RLF: variants seen among roughly 807,000 people sequenced by gnomAD.
RLF encodes the protein RLF zinc finger.
A neutral mutation model predicts 162.9 loss-of-function variants in RLF; 7 were observed. That is an observed-to-expected ratio of 0.04 (90% CI 0.02 to 0.08). The LOEUF (loss-of-function observed/expected upper bound fraction) is 0.08, where lower values mean the gene tolerates loss of function less well. Among genes scored for constraint, RLF ranks in the 10% least tolerant of loss-of-function variants. RLF has a pLI of 1.00. For synonymous variants in RLF, 782 were observed against 791.5 expected, an observed-to-expected ratio of 0.99 and a Z score of 0.20; for missense variants, 1,664 against 2,244.7, an observed-to-expected ratio of 0.74 and a Z score of 5.23.
chr1:40,201,296 T>C (rs543139845), intron 4 of RLF, among the ~76,000 whole-genome samples: 2 of 151,952 alleles, frequency 1.3e-5, no homozygotes, highest in South Asian at 4.2e-4. Context: ...TACTATGTAG[T>C]GATGTCACAT....
intron 3 of RLF, among the ~76,000 whole-genome samples, chr1:40,193,170 GT>G (rs1642583757): frequency 2.0e-5 from 3 of 149,078 alleles, no homozygotes; most frequent in Non-Finnish European, 3.0e-5. Flanking sequence ...TATTATTTCT[GT>G]ATTGTAGATT....
intron 5 of RLF, among the ~76,000 whole-genome samples, chr1:40,206,268 G>A (rs1642794272): frequency 6.6e-6 from 1 of 152,102 alleles, no homozygotes; most frequent in South Asian, 2.1e-4. Context: ...ATAGCTCTGA[G>A]GTAGCTCCAT....
intron 3 of RLF, among the ~76,000 whole-genome samples, chr1:40,194,999 A>G (rs1229219245): frequency 4.1e-5 from 2 of 48,410 alleles, no homozygotes; most frequent in Non-Finnish European, 1.7e-4. Flanking sequence ...ACGCCCGGCT[A>G]ATTTTTTGTA....
intron 5 of RLF, among the ~76,000 whole-genome samples, chr1:40,205,771 G>A (rs541397360): frequency 2.6e-5 from 4 of 152,240 alleles, no homozygotes; most frequent in South Asian, 2.1e-4. Context: ...GATTACAGGC[G>A]TGAGCCACGG....
rs192800908 is a variant in RLF at position 40,216,815 on chromosome 1, G to A, written c.811-5759G>A. On this transcript the variant is annotated intron_variant, in intron 5 of 7. Coordinates refer to ENST00000372771, the MANE Select transcript of RLF (RefSeq NM_012421.4). ...CACGCCTGTACCAGCACTTTGGGAG[G>A]CAGAGGCGGGCAGATCACTTGAGGT... 1.4e-3 allele frequency among the ~76,000 whole-genome samples: 218 copies of A among 152,278 alleles called. 1 individual carries two copies. The highest frequency in any genetic ancestry group is 5.0e-3 in the African/African-American group (207 of 41,538).
chr1:40,195,541 T>G, intron 3 of RLF, 91 bp from the exon 4 acceptor site: 1 of 1,021,550 alleles, frequency 9.8e-7, no homozygotes, highest in Non-Finnish European at 1.4e-6. Flanking sequence ...AATAGGTTCT[T>G]TCAATTCCTA....
Position 40,239,825 on chromosome 1 carries a change from A to G in RLF, c.5123A>G (p.Glu1708Gly). The change falls in exon 8 of 8, where the codon GAA (glutamate) becomes GGA (glycine). Residue 1708 changes from glutamate (E) to glycine (G), a missense_variant. This residue lies in a region of RLF where 327 missense variants were observed against 342.7 expected (regional missense o/e 0.95). Transcript: ENST00000372771. ...TCCATACCTAATCCCAATGGGACTG[A>G]AAGTGGGACTTATTTCACAAGTTTC... ...ENSIPNPNGTESGTYFTSFQL... is the reference protein window; with the variant it reads ...ENSIPNPNGTGSGTYFTSFQL... 6.2e-7 allele frequency: 1 copy of G among 1,614,122 alleles called. No individual in the cohort carries two copies. The highest frequency in any genetic ancestry group is 8.5e-7 in the Non-Finnish European group (1 of 1,180,028).
At chr1:40,205,913 A>G (rs1247381234) in intron 5 of RLF, among the ~76,000 whole-genome samples, 1 of 151,960 alleles carries the variant, frequency 6.6e-6, no homozygotes, top group Non-Finnish European at 1.5e-5. Flanking sequence ...TCTCAGTTCT[A>G]CTTTGCTGTC....
At chr1:40,223,440 G>A (rs1477126978) in intron 6 of RLF, among the ~76,000 whole-genome samples, 3 of 152,142 alleles carry the variant, frequency 2.0e-5, no homozygotes, top group East Asian at 3.9e-4. Context: ...GTGTCAGGGA[G>A]GAAGTAATAT....
intron 1 of RLF, among the ~76,000 whole-genome samples, chr1:40,183,967 A>G (rs1642439473): frequency 1.3e-5 from 2 of 152,216 alleles, no homozygotes; most frequent in South Asian, 4.1e-4. Context: ...GTATTCTTTA[A>G]ACATTAAATG....
chr1:40,239,816 ATGGGACTGAAAG>A lies in RLF; in HGVS notation c.5122_5133del (p.Glu1708_Thr1711del). On this transcript the variant is annotated inframe_deletion, in exon 8 of 8. Transcript: ENST00000372771. ...ATAGAAAATTCCATACCTAATCCCA[ATGGGACTGAAAG>A]TGGGACTTATTTCACAAGTTTCCAG... 6.2e-7 allele frequency: 1 copy of A among 1,614,062 alleles called. No homozygotes were observed. The highest frequency in any genetic ancestry group is 8.5e-7 in the Non-Finnish European group (1 of 1,180,008).
At chr1:40,194,810 AT>A (rs1642607677) in intron 3 of RLF, among the ~76,000 whole-genome samples, 1 of 9,970 alleles carries the variant, frequency 1.0e-4, no homozygotes, top group Non-Finnish European at 3.6e-4. Flanking sequence ...CATCCTAGTT[AT>A]TTATTTATTT....
intron 6 of RLF, among the ~76,000 whole-genome samples, chr1:40,223,908 T>G (rs570574841): frequency 1.3e-5 from 2 of 152,262 alleles, no homozygotes; most frequent in Non-Finnish European, 2.9e-5. Flanking sequence ...AAAATTCAAA[T>G]TGTAGTTTTT....
In RLF at chr1:40,197,327, G is replaced by A. The variant is rs571299398; in HGVS notation, c.607+1563G>A. The stretch of plus-strand genomic sequence containing the variant: ...CAATAAACGGCATCCCCTTGTAAAT[G>A]TAGGTAGATGGAGGCTAAAGTATCA... On this transcript the variant is annotated intron_variant, in intron 4 of 7. Transcript: ENST00000372771. 3.3e-4 allele frequency among the ~76,000 whole-genome samples: 51 copies of A among 152,324 alleles called. 2 individuals are homozygous for A. Among genetic ancestry groups the A allele is most frequent in the African/African-American group, 1.2e-3 (51 of 41,576 alleles).
chr1:40,183,357 A>G (rs1249470438), intron 1 of RLF, among the ~76,000 whole-genome samples: 1 of 152,242 alleles, frequency 6.6e-6, no homozygotes, highest in Admixed American at 6.5e-5. Context: ...TAGAACATAC[A>G]GCTTTAAAAA....
intron 4 of RLF, among the ~76,000 whole-genome samples, chr1:40,200,679 G>C (rs1642699582): frequency 6.6e-6 from 1 of 151,856 alleles, no homozygotes; most frequent in South Asian, 2.1e-4. Flanking sequence ...GGAAACCAGA[G>C]CACTGGGGTC....
Position 40,239,385 on chromosome 1 carries a change from G to A in RLF, c.4683G>A (p.Lys1561=), listed in dbSNP as rs139983469. 4.8e-5 allele frequency: 77 copies of A among 1,613,904 alleles called. No individual in the cohort carries two copies. The highest frequency in any genetic ancestry group is 1.5e-4 in the Admixed American group (9 of 60,004). The part of the protein sequence containing the change: ...CMVQGCLSVV[K]LESSIVRHYK... Reference sequence around the variant, plus strand: ...TTCAAGGATGCTTATCTGTGGTGAAGTTGGAGAGCAGCATTGTGAGGCATT... The same window carrying A: ...TTCAAGGATGCTTATCTGTGGTGAAATTGGAGAGCAGCATTGTGAGGCATT... The change falls in exon 8 of 8, where the codon AAG becomes AAA. Residue 1561 remains lysine (K), a synonymous_variant. Coordinates refer to ENST00000372771, the MANE Select transcript of RLF (RefSeq NM_012421.4).
chr1:40,229,843 G>A (rs187118162), intron 6 of RLF, among the ~76,000 whole-genome samples: 18 of 152,102 alleles, frequency 1.2e-4, no homozygotes, highest in Admixed American at 5.2e-4. Flanking sequence ...TGCCGGGCAC[G>A]GTGGCTCATG....
intron 6 of RLF, among the ~76,000 whole-genome samples, chr1:40,226,678 A>C (rs1014837510): frequency 6.6e-6 from 1 of 152,134 alleles, no homozygotes; most frequent in Non-Finnish European, 1.5e-5. Flanking sequence ...TAATAGCTTT[A>C]AAAATTTTTT....
Sources: gnomAD v4.1 joint callset for allele counts (sites outside exome capture counted in the v4.1 genomes callset) on GRCh38, gnomAD v4.1.1 for gene constraint, gnomAD v4.1.1 regional missense constraint, MANE v1.5 for transcripts, NCBI Gene and HGNC (gene_info 2026-07-23, HGNC 2026-07-21) for gene names.